The following DNAJC19 variants were observed in gnomAD, a reference collection of about 807,000 sequenced individuals.
DNAJC19 encodes the protein mitochondrial import inner membrane translocase subunit TIM14.
A neutral mutation model predicts 19.8 loss-of-function variants in DNAJC19; 15 were observed. That is an observed-to-expected ratio of 0.76 (90% CI 0.51 to 1.17). The LOEUF is 1.17. DNAJC19 is among the 50% of genes most tolerant of loss of function. The pLI is 0.00. For synonymous variants in DNAJC19, 38 were observed against 42.1 expected, an observed-to-expected ratio of 0.90 and a Z score of 0.38; for missense variants, 105 against 140.9, an observed-to-expected ratio of 0.75 and a Z score of 1.29.
intron 3 of DNAJC19, 156 bp downstream of exon 3, chr3:180,987,867 T>C (rs1714989920): frequency 2.3e-6 from 2 of 870,700 alleles, no homozygotes; most frequent in Admixed American, 4.3e-5. Context: ...GGTAGCACCA[T>C]CACAAAGTTC....
At chr3:180,989,819 A>G (rs1233989401), upstream of DNAJC19, 4 of 793,082 alleles carry the variant, frequency 5.0e-6, no homozygotes, top group African/African-American at 5.1e-5. Context: ...AGCAGTGGAC[A>G]GAGCGGAGAA....
chr3:180,986,848 G>C lies in DNAJC19; in HGVS notation c.209+95C>G, dbSNP rs192120432. The C allele has an allele frequency of 6.7e-3, 6,798 of 1,013,416 alleles. 47 individuals are homozygous for C. Among genetic ancestry groups the C allele is most frequent in the Non-Finnish European group, 8.3e-3 (5,298 of 636,786 alleles). 62.8% of individuals were successfully genotyped at this position (1,013,416 alleles called of 1,614,324 possible). ...ATCTTCCTAGGACAAAATCCCCCATGACCCTCTCCTATTAAAGGAGAGAAG... is the reference window on the plus strand; with the variant it reads ...ATCTTCCTAGGACAAAATCCCCCATCACCCTCTCCTATTAAAGGAGAGAAG... On this transcript the variant is annotated intron_variant, in intron 4 of 5. Transcript: ENST00000382564.
chr3:180,986,794 A>G (rs1714932241), intron 4 of DNAJC19, 149 bp downstream of exon 4: 2 of 697,356 alleles, frequency 2.9e-6, no homozygotes. Context: ...GGAACAGTAC[A>G]GTTTCATTGA....
chr3:180,988,122 T>C, intron 2 of DNAJC19, 26 bp from the exon 3 acceptor site: 2 of 1,614,102 alleles, frequency 1.2e-6, no homozygotes, highest in Non-Finnish European at 1.7e-6. Context: ...ACAGAATAAG[T>C]AAACTAAATC....
At chr3:180,988,353 C>CTTT (rs369840102) in intron 1 of DNAJC19, 124 bp from the exon 2 acceptor site, 73 of 650,074 alleles carry the variant, frequency 1.1e-4, no homozygotes, top group African/African-American at 1.8e-4. Context: ...TTTTTTTTTT[C>CTTT]TTTTTTTTTT....
At chr3:180,988,354 T>TTTTC in intron 1 of DNAJC19, 125 bp from the exon 2 acceptor site, 1 of 172,234 alleles carries the variant, frequency 5.8e-6, no homozygotes, top group African/African-American at 3.1e-5. Context: ...TTTTTTTTTC[T>TTTTC]TTTTTTTTTT....
Position 180,983,940 on chromosome 3 carries a change from G to A in DNAJC19, c.*700C>T, listed in dbSNP as rs1714750579. ...GAATACAATGTAAATACTCATGCCT[G>A]TAATCCCAGTACTTTGGGAGGCTGA... is the stretch of plus-strand genomic sequence containing the variant. On this transcript the variant is annotated 3_prime_UTR_variant, in exon 6 of 6. Coordinates refer to ENST00000382564, the MANE Select transcript of DNAJC19 (RefSeq NM_145261.4). 2.2e-6 allele frequency: 1 copy of A among 453,914 alleles called. No homozygotes were observed. The highest frequency in any genetic ancestry group is 2.0e-5 in the African/African-American group (1 of 49,992). The allele number at this position is 453,914 out of a possible 1,614,324, so 28.1% of individuals were successfully genotyped here. A position where few individuals can be genotyped will look rare whatever the true frequency, so the allele number is the denominator to read the frequency against.
rs990675081 is a variant in DNAJC19, at chr3:180,989,344, C to A, written c.3+256G>T. 6.3e-6 allele frequency: 9 copies of A among 1,420,800 alleles called. No homozygotes were observed. The African/African-American group carries it at 1.3e-4, about 20-fold the overall frequency. The allele number at this position is 1,420,800 out of a possible 1,614,324, so 88.0% of individuals were successfully genotyped here. A position where few individuals can be genotyped will look rare whatever the true frequency, so the allele number is the denominator to read the frequency against. ...GACAGCCTCTGACCTTACAGGAGTT[C>A]CAGGCAAGCAACACCTGCAGAGCCC... On this transcript the variant is annotated intron_variant, in intron 1 of 5. Coordinates refer to ENST00000382564, the MANE Select transcript of DNAJC19 (RefSeq NM_145261.4).
At chr3:180,988,353 CTTT>C (rs369840102) in intron 1 of DNAJC19, 124 bp from the exon 2 acceptor site, 3,906 of 641,752 alleles carry the variant, frequency 6.1e-3, no homozygotes, top group Middle Eastern at 0.011. Context: ...TTTTTTTTTT[CTTT>C]TTTTTTTTTT....
Position 180,983,771 on chromosome 3 carries a change from T to G in DNAJC19, c.*869A>C, listed in dbSNP as rs1019638429. 4.4e-6 allele frequency: 2 copies of G among 452,342 alleles called. No individual in the cohort carries two copies. Among genetic ancestry groups the G allele is most frequent in the Non-Finnish European group, 8.8e-6 (2 of 226,162 alleles). The allele number at this position is 452,342 out of a possible 1,614,324, so 28.0% of individuals were successfully genotyped here. On this transcript the variant is annotated 3_prime_UTR_variant, in exon 6 of 6. Coordinates refer to ENST00000382564, the MANE Select transcript of DNAJC19 (RefSeq NM_145261.4). ...AATTCTAAAGAGTCCAAATTAAATA[T>G]GTTGATATTGAGAACATTTCAGTTT...
chr3:180,987,659 G>C (rs951041423), intron 3 of DNAJC19: 2 of 335,096 alleles, frequency 6.0e-6, no homozygotes, highest in Admixed American at 8.6e-5. Context: ...GGAGTGCCAG[G>C]GCCACATGGT....
chr3:180,984,491 A>G lies in DNAJC19; in HGVS notation c.*149T>C. 1.5e-6 allele frequency: 1 copy of G among 681,004 alleles called. No individual in the cohort carries two copies. The highest frequency in any genetic ancestry group is 2.7e-6 in the Non-Finnish European group (1 of 373,788). 42.2% of individuals were successfully genotyped at this position (681,004 alleles called of 1,614,324 possible). The stretch of plus-strand genomic sequence containing the variant: ...ACTATAATCTGATTTAAAATCCCCA[A>G]ATTTAAACAAGAAAATTATACCAAG... On this transcript the variant is annotated 3_prime_UTR_variant, in exon 6 of 6. Transcript: ENST00000382564.
intron 3 of DNAJC19, 200 bp from the exon 4 acceptor site, chr3:180,987,222 A>G: frequency 1.7e-6 from 1 of 596,096 alleles, no homozygotes; most frequent in Non-Finnish European, 3.0e-6. Context: ...ATCATTAAAC[A>G]GATTCATTTT....
At chr3:180,987,245 A>G in intron 3 of DNAJC19, 1 of 567,744 alleles carries the variant, frequency 1.8e-6, no homozygotes, top group Non-Finnish European at 3.1e-6. Flanking sequence ...TCCAGTCAAT[A>G]TGAACTATCT....
intron 1 of DNAJC19, chr3:180,989,399 G>A: frequency 6.9e-7 from 1 of 1,438,952 alleles, no homozygotes; most frequent in African/African-American, 1.4e-5. Flanking sequence ...GAACCGTGCA[G>A]AAAGACGATG....
chr3:180,985,319 G>A (rs564567954), intron 5 of DNAJC19: 3 of 154,094 alleles, frequency 1.9e-5, no homozygotes, highest in Non-Finnish European at 2.9e-5. Context: ...GGGCTCCACT[G>A]CCGACCTACT....
intron 5 of DNAJC19, chr3:180,985,453 G>A: frequency 6.0e-6 from 1 of 167,812 alleles, no homozygotes; most frequent in South Asian, 1.4e-4. Context: ...GCCCTCTCCT[G>A]TATAAGTAAA....
In DNAJC19 at chr3:180,983,762, A is replaced by C; in HGVS notation, c.*878T>G. 1 of 451,394 alleles carries C rather than the reference A, an allele frequency of 2.2e-6. No individual in the cohort carries two copies. Among genetic ancestry groups the C allele is most frequent in the Non-Finnish European group, 4.4e-6 (1 of 225,794 alleles). The allele number at this position is 451,394 out of a possible 1,614,324, so 28.0% of individuals were successfully genotyped here. A position where few individuals can be genotyped will look rare whatever the true frequency, so the allele number is the denominator to read the frequency against. The stretch of plus-strand genomic sequence containing the variant: ...TAGTGTATAAATTCTAAAGAGTCCA[A>C]ATTAAATATGTTGATATTGAGAACA... On this transcript the variant is annotated 3_prime_UTR_variant, in exon 6 of 6. Coordinates refer to ENST00000382564, the MANE Select transcript of DNAJC19 (RefSeq NM_145261.4).
rs894004098 is a variant in DNAJC19 at position 180,989,704 on chromosome 3, C to G, written c.-102G>C. The stretch of plus-strand genomic sequence containing the variant: ...GCCTTTACCAGAGAGCGACGCAACC[C>G]CCAACCTCAAGCACAGGCGCCCTAC... On this transcript the variant is annotated 5_prime_UTR_variant, in exon 1 of 6. Transcript: ENST00000382564. 1.9e-6 allele frequency: 3 copies of G among 1,541,406 alleles called. No individual in the cohort carries two copies. Among genetic ancestry groups the G allele is most frequent in the Non-Finnish European group, 8.8e-7 (1 of 1,142,354 alleles).
Sources: allele counts gnomAD v4.1 joint callset, GRCh38; gene constraint gnomAD v4.1.1; transcripts MANE v1.5; gene names NCBI Gene and HGNC (gene_info 2026-07-23, HGNC 2026-07-21).